SMYD3: variants seen among roughly 807,000 people sequenced by gnomAD.
SMYD3 encodes SET and MYND domain containing 3.
Under a neutral mutation model 57.7 loss-of-function variants are expected in SMYD3, and 36 were observed. The ratio of observed to expected loss-of-function variants is 0.62; its 90% CI spans 0.48 to 0.82. The LOEUF (loss-of-function observed/expected upper bound fraction) is 0.82. Among genes scored for constraint, SMYD3 ranks in the 40% least tolerant of loss-of-function variants. The probability of loss-of-function intolerance (pLI) is 0.00; values close to 1 mark genes in which losing one functional copy is unlikely to be tolerated. For missense variants in SMYD3, 515 were observed against 538.8 expected, an observed-to-expected ratio of 0.96 and a Z score of 0.44; for synonymous variants, 211 against 195.0, an observed-to-expected ratio of 1.08 and a Z score of -0.68.
chr1:246,065,798 C>T (rs191331385), intron 5 of SMYD3, among the ~76,000 whole-genome samples: 1 of 152,322 alleles, frequency 6.6e-6, no homozygotes, highest in East Asian at 1.9e-4. Flanking sequence ...CTAAGTAAAA[C>T]ATTCCTTCTC....
At chr1:245,815,080 T>G (rs1288692194) in intron 10 of SMYD3, among the ~76,000 whole-genome samples, 2 of 152,216 alleles carry the variant, frequency 1.3e-5, no homozygotes, top group African/African-American at 4.8e-5. Flanking sequence ...GCTAAATCTT[T>G]AGGTACAACC....
chr1:245,801,345 G>A (rs933768241), intron 10 of SMYD3, among the ~76,000 whole-genome samples: 7 of 152,178 alleles, frequency 4.6e-5, no homozygotes, highest in Admixed American at 3.3e-4. Context: ...CCCACAAGAC[G>A]CTGATGAGTG....
chr1:246,206,359 C>G (rs2062999876), intron 5 of SMYD3, among the ~76,000 whole-genome samples: 1 of 152,014 alleles, frequency 6.6e-6, no homozygotes, highest in African/African-American at 2.4e-5. Flanking sequence ...GAGTTCTGGG[C>G]TATCTCTTAA....
At position 246,232,843 on chromosome 1, in the gene SMYD3, A is replaced by G. The variant is rs1275565199; in HGVS notation, c.531+94358T>C. Among the ~76,000 whole-genome samples, 8 of 134,588 alleles carry G rather than the reference A, an allele frequency of 5.9e-5. 2 individuals are homozygous for G. Among genetic ancestry groups the G allele is most frequent in the African/African-American group, 2.2e-4 (8 of 36,922 alleles). The allele number at this position is 134,588 out of a possible 152,430, so 88.3% of individuals were successfully genotyped here. A position where few individuals can be genotyped will look rare whatever the true frequency, so the allele number is the denominator to read the frequency against. On this transcript the variant is annotated intron_variant, in intron 5 of 11. Transcript: ENST00000490107. ...TCACACTGTGATGAACATATACCAC[A>G]CAGGGGAGAAGCGCTCCTCAATTCA...
chr1:246,110,196 A>G (rs1048930933), intron 5 of SMYD3, among the ~76,000 whole-genome samples: 2 of 152,246 alleles, frequency 1.3e-5, no homozygotes, highest in African/African-American at 4.8e-5. Context: ...TCTAGAAACC[A>G]GAAATCAGGT....
At chr1:246,226,217 A>C (rs2063327896) in intron 5 of SMYD3, among the ~76,000 whole-genome samples, 1 of 152,200 alleles carries the variant, frequency 6.6e-6, no homozygotes, top group South Asian at 2.1e-4. Context: ...GACCTGTGAA[A>C]GCCCCTGTTA....
intron 5 of SMYD3, among the ~76,000 whole-genome samples, chr1:246,166,031 C>A (rs2062203755): frequency 6.6e-6 from 1 of 151,882 alleles, no homozygotes; most frequent in African/African-American, 2.4e-5. Context: ...CCTCGGTGAC[C>A]CACACCCCCA....
chr1:245,959,354 CAA>C (rs1057349911), intron 5 of SMYD3, among the ~76,000 whole-genome samples: 2 of 152,176 alleles, frequency 1.3e-5, no homozygotes, highest in Non-Finnish European at 2.9e-5. Flanking sequence ...AGCTCCAGAT[CAA>C]AGTTTTCTGA....
chr1:246,089,345 A>G (rs533048819), intron 5 of SMYD3, among the ~76,000 whole-genome samples: 1 of 152,322 alleles, frequency 6.6e-6, no homozygotes, highest in African/African-American at 2.4e-5. Context: ...TCTTTCTCCT[A>G]TAACCAAAAC....
chr1:246,488,424 T>C (rs2068220491), intron 1 of SMYD3, among the ~76,000 whole-genome samples: 1 of 152,184 alleles, frequency 6.6e-6, no homozygotes, highest in East Asian at 1.9e-4. Flanking sequence ...GCGTGGTGGC[T>C]CATGCCTGTA....
intron 10 of SMYD3, among the ~76,000 whole-genome samples, chr1:245,817,453 A>G (rs895546082): frequency 1.1e-4 from 17 of 150,890 alleles, no homozygotes; most frequent in Non-Finnish European, 7.4e-5. Context: ...GGGAAAAAAC[A>G]GAACAGAAAA....
At chr1:246,187,807 T>A (rs537796796) in intron 5 of SMYD3, among the ~76,000 whole-genome samples, 1 of 152,268 alleles carries the variant, frequency 6.6e-6, no homozygotes, top group South Asian at 2.1e-4. Flanking sequence ...TCCTTGGAGA[T>A]AATGACAATG....
At chr1:246,269,175 C>T (rs1021914208) in intron 5 of SMYD3, among the ~76,000 whole-genome samples, 9 of 152,266 alleles carry the variant, frequency 5.9e-5, no homozygotes, top group South Asian at 2.1e-4. Flanking sequence ...TGAAGCCTCC[C>T]AGTTTCCTTT....
At chr1:245,775,180 A>G (rs2046523940) in intron 10 of SMYD3, among the ~76,000 whole-genome samples, 1 of 151,966 alleles carries the variant, frequency 6.6e-6, no homozygotes, top group Admixed American at 6.5e-5. Flanking sequence ...GAGGTGGGGG[A>G]CACCCCCACC....
At chr1:245,784,923 C>T (rs2046976307) in intron 10 of SMYD3, among the ~76,000 whole-genome samples, 1 of 144,048 alleles carries the variant, frequency 6.9e-6, no homozygotes. Context: ...AATTTTGGCT[C>T]ACTGCAACCT....
At chr1:245,812,204 T>C (rs937330490) in intron 10 of SMYD3, among the ~76,000 whole-genome samples, 1 of 152,160 alleles carries the variant, frequency 6.6e-6, no homozygotes, top group Admixed American at 6.6e-5. Context: ...TAAGGATGGA[T>C]TGAAGGACTA....
At chr1:246,143,076 T>A (rs1165336980) in intron 5 of SMYD3, among the ~76,000 whole-genome samples, 1 of 151,662 alleles carries the variant, frequency 6.6e-6, no homozygotes, top group East Asian at 1.9e-4. Flanking sequence ...GCAAAAAAGC[T>A]AACCTGGATT....
intron 10 of SMYD3, among the ~76,000 whole-genome samples, chr1:245,825,719 C>A (rs558938322): frequency 3.3e-5 from 5 of 152,130 alleles, no homozygotes; most frequent in Non-Finnish European, 7.3e-5. Context: ...CAGAACTTCA[C>A]TGAGCATGCT....
At chr1:246,464,846 T>A (rs138480303) in intron 1 of SMYD3, among the ~76,000 whole-genome samples, 1 of 152,240 alleles carries the variant, frequency 6.6e-6, no homozygotes, top group Non-Finnish European at 1.5e-5. Context: ...AGTACTAGCA[T>A]CTTCCTTTGT....
Sources: allele counts gnomAD v4.1 joint callset (sites outside exome capture counted in the v4.1 genomes callset), GRCh38; gene constraint gnomAD v4.1.1; transcripts MANE v1.5; gene names NCBI Gene and HGNC (gene_info 2026-07-23, HGNC 2026-07-21).